MLLT3: variants seen among roughly 807,000 people sequenced by gnomAD.
MLLT3 encodes the protein MLLT3 super elongation complex subunit.
A neutral mutation model predicts 53.2 loss-of-function variants in MLLT3; 4 were observed. That is an observed-to-expected ratio of 0.08 (90% CI 0.04 to 0.17). The LOEUF (loss-of-function observed/expected upper bound fraction) is 0.17, where lower values mean the gene tolerates loss of function less well. Among genes scored for constraint, MLLT3 ranks in the 10% least tolerant of loss-of-function variants. The probability of loss-of-function intolerance (pLI) is 1.00; values close to 1 mark genes in which losing one functional copy is unlikely to be tolerated. For missense variants in MLLT3, 569 were observed against 684.0 expected (o/e 0.83, Z 1.87); for synonymous variants, 283 against 230.6 (o/e 1.23, Z -2.06).
chr9:20,599,113 A>G (rs1422139876), intron 2 of MLLT3, among the ~76,000 whole-genome samples: 5 of 151,984 alleles, frequency 3.3e-5, no homozygotes, highest in Non-Finnish European at 5.9e-5. Context: ...AGACCATGCT[A>G]GCCAACATGG....
chr9:20,431,703 T>C (rs1480218294), intron 4 of MLLT3, among the ~76,000 whole-genome samples: 1 of 152,076 alleles, frequency 6.6e-6, no homozygotes, highest in African/African-American at 2.4e-5. Flanking sequence ...AAAAGGTTCA[T>C]AATTGCAAAA....
At position 20,622,469 on chromosome 9, in the gene MLLT3, C is replaced by T. The variant is rs1407455916; in HGVS notation, c.-213G>A. On this transcript the variant is annotated 5_prime_UTR_variant, in exon 1 of 11. Transcript: ENST00000380338. The stretch of plus-strand genomic sequence containing the variant: ...GCCCCAAAAGCAAAAGCAGCAGCAG[C>T]AGCAGCAGCTCCAGGGTAAAGAAGA... 3.7e-6 allele frequency: 2 copies of T among 539,598 alleles called. No homozygotes were observed. The highest frequency in any genetic ancestry group is 6.6e-6 in the Non-Finnish European group (2 of 304,480). 33.4% of individuals were successfully genotyped at this position (539,598 alleles called of 1,614,324 possible). A position where few individuals can be genotyped will look rare whatever the true frequency, so the allele number is the denominator to read the frequency against.
intron 2 of MLLT3, among the ~76,000 whole-genome samples, chr9:20,546,845 A>G (rs1818801260): frequency 1.3e-5 from 2 of 152,206 alleles, no homozygotes; most frequent in South Asian, 4.1e-4. Context: ...CCAGGTGGAG[A>G]CTGTTAGAGG....
At chr9:20,588,291 G>C (rs2131182773) in intron 2 of MLLT3, among the ~76,000 whole-genome samples, 1 of 149,832 alleles carries the variant, frequency 6.7e-6, no homozygotes, top group African/African-American at 2.4e-5. Flanking sequence ...CTCCAGCTTT[G>C]TTCTTTTGGC....
intron 3 of MLLT3, among the ~76,000 whole-genome samples, chr9:20,454,296 T>C (rs921076055): frequency 8.6e-5 from 13 of 151,868 alleles, no homozygotes; most frequent in South Asian, 4.2e-4. Context: ...TGGTAGGGAG[T>C]GATACTTGCT....
intron 10 of MLLT3, among the ~76,000 whole-genome samples, chr9:20,347,426 T>C (rs1313483187): frequency 6.6e-6 from 1 of 152,230 alleles, no homozygotes; most frequent in Non-Finnish European, 1.5e-5. Context: ...GGAATAGTTA[T>C]ACCTCATTTC....
chr9:20,554,306 T>G (rs1819001529), intron 2 of MLLT3, among the ~76,000 whole-genome samples: 1 of 152,216 alleles, frequency 6.6e-6, no homozygotes, highest in Non-Finnish European at 1.5e-5. Flanking sequence ...TGTTCTCTAT[T>G]ACTTAAGAAA....
At chr9:20,589,253 C>G (rs1820061132) in intron 2 of MLLT3, among the ~76,000 whole-genome samples, 1 of 151,722 alleles carries the variant, frequency 6.6e-6, no homozygotes, top group African/African-American at 2.4e-5. Flanking sequence ...TACTATGCAG[C>G]CATAAAAAGG....
chr9:20,566,826 G>A (rs941836792), intron 2 of MLLT3, among the ~76,000 whole-genome samples: 1 of 152,088 alleles, frequency 6.6e-6, no homozygotes, highest in Non-Finnish European at 1.5e-5. Context: ...TCTGAACCTA[G>A]GGCTCCAGGT....
chr9:20,482,712 T>G (rs986303113), intron 2 of MLLT3, among the ~76,000 whole-genome samples: 1 of 152,202 alleles, frequency 6.6e-6, no homozygotes, highest in Admixed American at 6.5e-5. Flanking sequence ...CTAAGATAAT[T>G]AGTATAAGAG....
At chr9:20,568,109 A>C (rs1390610680) in intron 2 of MLLT3, among the ~76,000 whole-genome samples, 2 of 152,168 alleles carry the variant, frequency 1.3e-5, no homozygotes, top group Non-Finnish European at 2.9e-5. Flanking sequence ...TGTGTGTTAG[A>C]AACTGTGATA....
chr9:20,573,923 G>C (rs1397184711), intron 2 of MLLT3, among the ~76,000 whole-genome samples: 1 of 152,208 alleles, frequency 6.6e-6, no homozygotes, highest in Admixed American at 6.5e-5. Context: ...AAATTCTGTT[G>C]CATTTTTGCT....
chr9:20,514,037 G>C (rs1817836186), intron 2 of MLLT3, among the ~76,000 whole-genome samples: 1 of 152,084 alleles, frequency 6.6e-6, no homozygotes, highest in African/African-American at 2.4e-5. Flanking sequence ...AAAGACACCA[G>C]TGGGTAGGTG....
intron 3 of MLLT3, among the ~76,000 whole-genome samples, chr9:20,451,272 A>T (rs1284643251): frequency 5.3e-5 from 8 of 152,212 alleles, no homozygotes; most frequent in Admixed American, 5.2e-4. Context: ...CATTAAATGT[A>T]GTCAAAAGAC....
chr9:20,441,685 C>T (rs1249558031), intron 4 of MLLT3, among the ~76,000 whole-genome samples: 2 of 152,084 alleles, frequency 1.3e-5, no homozygotes, highest in Non-Finnish European at 1.5e-5. Flanking sequence ...GTGACAATTA[C>T]AGAATTATAT....
chr9:20,438,239 A>C (rs1823454356), intron 4 of MLLT3, among the ~76,000 whole-genome samples: 1 of 152,226 alleles, frequency 6.6e-6, no homozygotes. Flanking sequence ...TTAACATCAA[A>C]ATCACCTTTT....
chr9:20,612,396 T>G (rs1820724688), intron 2 of MLLT3, among the ~76,000 whole-genome samples: 1 of 152,072 alleles, frequency 6.6e-6, no homozygotes, highest in African/African-American at 2.4e-5. Flanking sequence ...ATATATTGCC[T>G]TTTGGTTAAG....
chr9:20,444,940 T>TA (rs1823657656), intron 4 of MLLT3, among the ~76,000 whole-genome samples: 3 of 151,722 alleles, frequency 2.0e-5, no homozygotes, highest in African/African-American at 4.8e-5. Flanking sequence ...TTTTTTTTTT[T>TA]AATTAGTAAA....
rs144408419 is a variant in MLLT3 at position 20,431,190 on chromosome 9, T to C, written c.421-16765A>G. On this transcript the variant is annotated intron_variant, in intron 4 of 10. Transcript: ENST00000380338. ...CTCTATGACCCAGCAATTTTATTCA[T>C]AGGTATACAATATAAGACAGCATTT... 2.6e-5 allele frequency among the ~76,000 whole-genome samples: 4 copies of C among 152,280 alleles called. No individual in the cohort carries two copies. In the East Asian group the frequency reaches 7.7e-4, roughly 29 times the overall value.
Sources: allele counts gnomAD v4.1 joint callset (sites outside exome capture counted in the v4.1 genomes callset), GRCh38; gene constraint gnomAD v4.1.1; transcripts MANE v1.5; gene names NCBI Gene and HGNC (gene_info 2026-07-23, HGNC 2026-07-21).